CEP170: variants seen among roughly 807,000 people sequenced by gnomAD.
CEP170 encodes the protein centrosomal protein 170.
Under a neutral mutation model 151.9 loss-of-function variants are expected in CEP170, and 21 were observed. That is an observed-to-expected ratio of 0.14 (90% CI 0.10 to 0.20). The LOEUF (loss-of-function observed/expected upper bound fraction) is 0.20. Among genes scored for constraint, CEP170 ranks in the 10% least tolerant of loss-of-function variants. The pLI is 1.00. For missense variants in CEP170, 964 were observed against 1,892.9 expected (o/e 0.51, Z 9.11); for synonymous variants, 356 against 648.8 (o/e 0.55, Z 6.86).
intron 1 of CEP170, among the ~76,000 whole-genome samples, chr1:243,237,128 A>AT (rs1156341849): frequency 6.6e-6 from 1 of 152,230 alleles, no homozygotes; most frequent in Non-Finnish European, 1.5e-5. Context: ...TTTAGTGAAT[A>AT]TATCACTAAC....
intron 1 of CEP170, among the ~76,000 whole-genome samples, chr1:243,237,773 C>T (rs543378241): frequency 6.6e-6 from 1 of 151,816 alleles, no homozygotes; most frequent in Non-Finnish European, 1.5e-5. Flanking sequence ...GGCCTTGTGG[C>T]GGGTGCCTGT....
chr1:243,221,527 C>T, intron 3 of CEP170, 197 bp downstream of exon 3: 1 of 529,718 alleles, frequency 1.9e-6, no homozygotes, highest in East Asian at 3.3e-5. Flanking sequence ...GATTCATCTG[C>T]TTATAGTTTC....
At chr1:243,224,084 C>T (rs1439122230) in intron 2 of CEP170, among the ~76,000 whole-genome samples, 1 of 152,216 alleles carries the variant, frequency 6.6e-6, no homozygotes, top group Non-Finnish European at 1.5e-5. Flanking sequence ...TTCACATTTC[C>T]TCTAGATTAA....
intron 7 of CEP170, among the ~76,000 whole-genome samples, chr1:243,197,205 A>C (rs987564468): frequency 6.6e-5 from 10 of 152,090 alleles, no homozygotes; most frequent in Non-Finnish European, 1.0e-4. Context: ...AAGGCAACAG[A>C]CCTAAGGATT....
At chr1:243,177,768 T>C (rs1417533204) in intron 10 of CEP170, among the ~76,000 whole-genome samples, 4 of 152,246 alleles carry the variant, frequency 2.6e-5, no homozygotes, top group East Asian at 1.9e-4. Context: ...GAATAAGTTA[T>C]TGTGAATATT....
chr1:243,147,903 G>A (rs1165539641), intron 14 of CEP170, among the ~76,000 whole-genome samples: 1 of 152,174 alleles, frequency 6.6e-6, no homozygotes, highest in Non-Finnish European at 1.5e-5. Flanking sequence ...AAAAGAGGCT[G>A]GGCACAGTGG....
At chr1:243,179,091 T>C (rs1377853357) in intron 10 of CEP170, among the ~76,000 whole-genome samples, 3 of 152,218 alleles carry the variant, frequency 2.0e-5, no homozygotes, top group Non-Finnish European at 2.9e-5. Flanking sequence ...TTAACCTACC[T>C]TGTGTCCTTG....
chr1:243,207,420 G>C (rs540267515), intron 4 of CEP170, among the ~76,000 whole-genome samples: 34 of 152,208 alleles, frequency 2.2e-4, no homozygotes, highest in African/African-American at 8.2e-4. Context: ...AGGAGGGGGC[G>C]AACCCATAAT....
At chr1:243,204,182 C>G (rs2061255534) in intron 4 of CEP170, among the ~76,000 whole-genome samples, 1 of 152,034 alleles carries the variant, frequency 6.6e-6, no homozygotes, top group Admixed American at 6.6e-5. Context: ...TTATGGATAT[C>G]AACCACATAG....
intron 16 of CEP170, 113 bp downstream of exon 16, chr1:243,139,824 A>G (rs1196844848): frequency 8.6e-7 from 1 of 1,167,724 alleles, no homozygotes; most frequent in Non-Finnish European, 1.2e-6. Context: ...ATTTCATTGC[A>G]TTCATTAAGG....
At chr1:243,183,604 T>C (rs1339330167) in intron 10 of CEP170, among the ~76,000 whole-genome samples, 1 of 152,180 alleles carries the variant, frequency 6.6e-6, no homozygotes, top group Admixed American at 6.5e-5. Flanking sequence ...CTTTAAGCTT[T>C]ATGTGGATTC....
Position 243,125,438 on chromosome 1 carries a change from T to TA in CEP170, c.*1010dup, listed in dbSNP as rs1454104344. ...TGGGAGTGAAACTATCAACTAATCT[T>TA]ACGACTACTGGTTCTCCAAGTCCCC... On this transcript the variant is annotated 3_prime_UTR_variant, in exon 20 of 20. Transcript: ENST00000366542. 3 of 152,760 alleles carry TA rather than the reference T, an allele frequency of 2.0e-5. No individual in the cohort carries two copies. Among genetic ancestry groups the TA allele is most frequent in the Non-Finnish European group, 4.4e-5 (3 of 68,116 alleles). 9.5% of individuals were successfully genotyped at this position (152,760 alleles called of 1,614,324 possible). A position where few individuals can be genotyped will look rare whatever the true frequency, so the allele number is the denominator to read the frequency against.
chr1:243,249,396 C>T (rs1021985508), intron 1 of CEP170, among the ~76,000 whole-genome samples: 5 of 150,444 alleles, frequency 3.3e-5, no homozygotes, highest in East Asian at 2.0e-4. Context: ...CCATCCTGGG[C>T]GACAGAACAA....
chr1:243,178,302 C>T lies in CEP170; in HGVS notation c.1567-5456G>A, dbSNP rs547275314. On this transcript the variant is annotated intron_variant, in intron 10 of 19. Coordinates refer to ENST00000366542, the MANE Select transcript of CEP170 (RefSeq NM_014812.3). ...CCAGCCTGGGCAACAGAGCGAGACT[C>T]TGCCTCAAAAAAAAAAAAAAAAAAA... Among the ~76,000 whole-genome samples, 20 of 98,620 alleles carry T rather than the reference C, an allele frequency of 2.0e-4. No homozygotes were observed. The South Asian group carries it at 7.0e-3, about 34-fold the overall frequency. The allele number at this position is 98,620 out of a possible 152,430, so 64.7% of individuals were successfully genotyped here.
intron 13 of CEP170, among the ~76,000 whole-genome samples, chr1:243,159,803 T>TGTGTGTGTGTGTGTGTGTGTGTGTG (rs1558452605): frequency 7.7e-5 from 4 of 51,814 alleles, no homozygotes; most frequent in South Asian, 1.8e-3. Context: ...GTGTGTGTGT[T>TGTGTGTGTGTGTGTGTGTGTGTGTG]TTTGAGATGG....
rs1218200062 is a variant in CEP170, at chr1:243,125,076, A to T, written c.*1373T>A. 1 of 152,136 alleles carries T rather than the reference A, an allele frequency of 6.6e-6. No individual in the cohort carries two copies. Among genetic ancestry groups the T allele is most frequent in the Non-Finnish European group, 1.5e-5 (1 of 68,008 alleles). The allele number at this position is 152,136 out of a possible 1,614,324, so 9.4% of individuals were successfully genotyped here. A position where few individuals can be genotyped will look rare whatever the true frequency, so the allele number is the denominator to read the frequency against. On this transcript the variant is annotated 3_prime_UTR_variant, in exon 20 of 20. Coordinates refer to ENST00000366542, the MANE Select transcript of CEP170 (RefSeq NM_014812.3). ...CAGGATTATTGTGGAAATATTAAAG[A>T]CCATTTCATAAAAGTTGCAGTTTAA...
intron 7 of CEP170, among the ~76,000 whole-genome samples, chr1:243,192,075 A>C (rs2060340281): frequency 6.6e-6 from 1 of 152,222 alleles, no homozygotes; most frequent in South Asian, 2.1e-4. Context: ...AGAATGACAA[A>C]GATATTGCTG....
chr1:243,182,724 A>G (rs1647598381), intron 10 of CEP170, among the ~76,000 whole-genome samples: 1 of 152,150 alleles, frequency 6.6e-6, no homozygotes, highest in South Asian at 2.1e-4. Context: ...AGGCTGTTCC[A>G]TATTTCTGGA....
At chr1:243,163,481 A>G (rs1268199942) in intron 13 of CEP170, 1 of 152,248 alleles carries the variant, frequency 6.6e-6, no homozygotes, top group Non-Finnish European at 1.5e-5. Flanking sequence ...CAAAGCACAT[A>G]AGCAAACAAA....
Sources: gnomAD v4.1 joint callset for allele counts (sites outside exome capture counted in the v4.1 genomes callset) on GRCh38, gnomAD v4.1.1 for gene constraint, MANE v1.5 for transcripts, NCBI Gene and HGNC (gene_info 2026-07-23, HGNC 2026-07-21) for gene names.